The following DLGAP2 variants were observed in gnomAD, a reference collection of about 807,000 sequenced individuals.
The protein encoded by DLGAP2 is disks large-associated protein 2.
DLGAP2 carries 26 observed loss-of-function variants against 100.3 expected under a neutral mutation model. The ratio of observed to expected loss-of-function variants is 0.26; its 90% confidence interval spans 0.19 to 0.36. DLGAP2 has a LOEUF of 0.36. Among genes scored for constraint, DLGAP2 ranks in the 10% least tolerant of loss-of-function variants. The pLI is 1.00. For missense variants in DLGAP2, 1,858 were observed against 1,453.2 expected (o/e 1.28, Z -4.53); for synonymous variants, 886 against 630.1 (o/e 1.41, Z -6.08).
chr8:1,166,591 T>A (rs573167042), intron 2 of DLGAP2, among the ~76,000 whole-genome samples: 1 of 152,294 alleles, frequency 6.6e-6, no homozygotes, highest in South Asian at 2.1e-4. Context: ...ATGGTGTTTA[T>A]TTCTCCAATT....
chr8:1,193,843 G>T (rs1055800835), intron 2 of DLGAP2, among the ~76,000 whole-genome samples: 4 of 152,112 alleles, frequency 2.6e-5, no homozygotes, highest in Admixed American at 6.5e-5. Context: ...GGGTGGGGCA[G>T]ATCCCAGCGT....
chr8:959,987 C>A (rs1198130711), intron 2 of DLGAP2, among the ~76,000 whole-genome samples: 1 of 151,988 alleles, frequency 6.6e-6, no homozygotes, highest in African/African-American at 2.4e-5. Flanking sequence ...GAGTATTGTT[C>A]TACAGGGCAA....
intron 2 of DLGAP2, among the ~76,000 whole-genome samples, chr8:1,209,383 G>A (rs997208302): frequency 2.0e-5 from 3 of 152,126 alleles, no homozygotes; most frequent in Admixed American, 2.0e-4. Context: ...TTGTTTATTA[G>A]CTTTTTCCTT....
intron 3 of DLGAP2, among the ~76,000 whole-genome samples, chr8:1,483,469 G>A (rs769887479): frequency 6.8e-6 from 1 of 147,552 alleles, no homozygotes; most frequent in Non-Finnish European, 1.5e-5. Flanking sequence ...ACCTGAGGGC[G>A]TCTCCACAGG....
chr8:1,262,865 A>C (rs925201540), intron 3 of DLGAP2, among the ~76,000 whole-genome samples: 1 of 151,868 alleles, frequency 6.6e-6, no homozygotes, highest in African/African-American at 2.4e-5. Context: ...ATTTATGGAC[A>C]TTGGGTGGGG....
At chr8:836,870 G>A (rs1212536074) in intron 1 of DLGAP2, among the ~76,000 whole-genome samples, 1 of 152,218 alleles carries the variant, frequency 6.6e-6, no homozygotes, top group African/African-American at 2.4e-5. Flanking sequence ...CTCCTTTCAT[G>A]TTTTGCTTCC....
At chr8:902,504 C>T (rs1228399262) in intron 1 of DLGAP2, among the ~76,000 whole-genome samples, 2 of 144,900 alleles carry the variant, frequency 1.4e-5, no homozygotes, top group Non-Finnish European at 1.5e-5. Context: ...GCTGGGTGCC[C>T]TGCGTGAGGG....
At chr8:1,459,058 T>C (rs1237153585) in intron 3 of DLGAP2, among the ~76,000 whole-genome samples, 6 of 134,186 alleles carry the variant, frequency 4.5e-5, no homozygotes, top group East Asian at 4.9e-4. Flanking sequence ...TGCATATACC[T>C]GAGGGGTCAC....
Position 1,190,720 on chromosome 8 carries a change from G to T in DLGAP2, c.74-68131G>T, listed in dbSNP as rs553872501. The stretch of plus-strand genomic sequence containing the variant: ...GAGAAGAAGAAAGCCAGGGCCAGAG[G>T]TCACCTGCCTCAATGAAGGTCCTTA... On this transcript the variant is annotated intron_variant, in intron 2 of 14. Coordinates refer to ENST00000637795, the MANE Select transcript of DLGAP2 (RefSeq NM_001346810.2). 3.0e-3 allele frequency among the ~76,000 whole-genome samples: 462 copies of T among 152,274 alleles called. 4 individuals carry two copies. The highest frequency in any genetic ancestry group is 4.9e-3 in the Non-Finnish European group (333 of 68,022).
At chr8:1,506,309 A>G (rs1004584920) in intron 4 of DLGAP2, among the ~76,000 whole-genome samples, 17 of 152,232 alleles carry the variant, frequency 1.1e-4, no homozygotes, top group African/African-American at 4.1e-4. Flanking sequence ...AGGGAAATTT[A>G]TAGAAATAGC....
At chr8:1,314,070 G>C (rs1199165730) in intron 3 of DLGAP2, among the ~76,000 whole-genome samples, 1 of 152,198 alleles carries the variant, frequency 6.6e-6, no homozygotes, top group Non-Finnish European at 1.5e-5. Context: ...GTTATCCACT[G>C]TAAATGAGTT....
At chr8:902,563 A>G (rs1263618510) in intron 1 of DLGAP2, among the ~76,000 whole-genome samples, 1 of 118,352 alleles carries the variant, frequency 8.4e-6, no homozygotes, top group African/African-American at 3.4e-5. Flanking sequence ...AATCACAAGA[A>G]AACAGCGGGG....
At chr8:1,366,871 T>A (rs1010839097) in intron 3 of DLGAP2, among the ~76,000 whole-genome samples, 7 of 152,140 alleles carry the variant, frequency 4.6e-5, no homozygotes, top group Non-Finnish European at 7.3e-5. Flanking sequence ...ATAACAGTGT[T>A]AACATTTACA....
At chr8:1,552,940 G>T (rs908251981) in intron 5 of DLGAP2, among the ~76,000 whole-genome samples, 2 of 152,198 alleles carry the variant, frequency 1.3e-5, no homozygotes, top group East Asian at 3.9e-4. Context: ...TGCATCAGCA[G>T]ACTAAGCATC....
At chr8:890,625 A>C (rs1376797005) in intron 1 of DLGAP2, among the ~76,000 whole-genome samples, 1 of 151,170 alleles carries the variant, frequency 6.6e-6, no homozygotes, top group East Asian at 2.0e-4. Context: ...ATTCTACCCC[A>C]GGAGCCTCAC....
chr8:929,054 A>T (rs1261901054), intron 2 of DLGAP2, among the ~76,000 whole-genome samples: 1 of 100,584 alleles, frequency 9.9e-6, no homozygotes, highest in Non-Finnish European at 1.9e-5. Flanking sequence ...CCCCCTGTAA[A>T]CATCCCAGAA....
chr8:1,043,899 A>G (rs1802443646), intron 2 of DLGAP2, among the ~76,000 whole-genome samples: 1 of 152,058 alleles, frequency 6.6e-6, no homozygotes, highest in Non-Finnish European at 1.5e-5. Context: ...CCAGGAAGGC[A>G]GGTGTGGAGA....
chr8:871,819 C>T (rs991140791), intron 1 of DLGAP2, among the ~76,000 whole-genome samples: 4 of 152,150 alleles, frequency 2.6e-5, no homozygotes, highest in East Asian at 1.9e-4. Context: ...AAGGATGTGG[C>T]GTCTCACAGA....
intron 3 of DLGAP2, among the ~76,000 whole-genome samples, chr8:1,434,435 A>G (rs1273830616): frequency 3.3e-5 from 5 of 151,642 alleles, no homozygotes; most frequent in African/African-American, 9.7e-5. Context: ...CACACCCACC[A>G]CTGGGTCACT....
Sources: gnomAD v4.1 joint callset for allele counts (sites outside exome capture counted in the v4.1 genomes callset) on GRCh38, gnomAD v4.1.1 for gene constraint, MANE v1.5 for transcripts, NCBI Gene and HGNC (gene_info 2026-07-23, HGNC 2026-07-21) for gene names.